Variants in MAP2 observed in about 807,000 individuals in gnomAD.
MAP2 encodes microtubule associated protein 2.
Under a neutral mutation model 137.6 loss-of-function variants are expected in MAP2, and 14 were observed. The ratio of observed to expected loss-of-function variants is 0.10; its 90% CI spans 0.07 to 0.16. The LOEUF (loss-of-function observed/expected upper bound fraction) is 0.16, where lower values mean the gene tolerates loss of function less well. MAP2 is among the 10% of genes least tolerant of loss of function. The pLI, the probability that MAP2 is intolerant of heterozygous loss-of-function variation, is 1.00. For synonymous variants in MAP2, 786 were observed against 782.3 expected, an observed-to-expected ratio of 1.00 and a Z score of -0.08; for missense variants, 2,088 against 2,191.5, an observed-to-expected ratio of 0.95 and a Z score of 0.94.
intron 2 of MAP2, among the ~76,000 whole-genome samples, chr2:209,542,729 A>G (rs1308631298): frequency 6.6e-6 from 1 of 152,214 alleles, no homozygotes; most frequent in African/African-American, 2.4e-5. Context: ...AACCTCTGCT[A>G]GCTTCCAGCC....
At chr2:209,639,624 A>C (rs2710476) in intron 4 of MAP2, among the ~76,000 whole-genome samples, 10,145 of 152,110 alleles carry the variant, frequency 0.067, 807 homozygotes, top group South Asian at 0.23. Context: ...ATGGGCATCC[A>C]TGGCCTTCAG....
chr2:209,491,091 A>G lies in MAP2; in HGVS notation c.-221-16501A>G, dbSNP rs549233785. Among the ~76,000 whole-genome samples, 32 of 152,292 alleles carry G rather than the reference A, an allele frequency of 2.1e-4. No homozygotes were observed. The South Asian group carries it at 4.1e-3, about 20-fold the overall frequency. On this transcript the variant is annotated intron_variant, in intron 1 of 15. Coordinates refer to ENST00000682079, the MANE Select transcript of MAP2 (RefSeq NM_001375505.1). The stretch of plus-strand genomic sequence containing the variant: ...CAAATGCAAAAGAACACAAATCATA[A>G]CAGTCTCTCAGACCACAGTGCAATC...
chr2:209,448,763 G>A (rs994042779), intron 1 of MAP2, among the ~76,000 whole-genome samples: 1 of 152,034 alleles, frequency 6.6e-6, no homozygotes, highest in Admixed American at 6.6e-5. Context: ...CTTGTCACTG[G>A]GTTTCAGGCC....
chr2:209,579,814 A>T (rs1422986822), intron 2 of MAP2: 2 of 152,032 alleles, frequency 1.3e-5, no homozygotes, highest in African/African-American at 4.8e-5. Context: ...TTTTCATAGG[A>T]TGTGCTTTAT....
intron 1 of MAP2, among the ~76,000 whole-genome samples, chr2:209,459,243 T>A (rs1370502532): frequency 6.6e-6 from 1 of 152,162 alleles, no homozygotes; most frequent in African/African-American, 2.4e-5. Context: ...TGTTTTCTCA[T>A]CTGTAAAATG....
rs148927031 is a variant in MAP2 at position 209,497,547 on chromosome 2, A to G, written c.-221-10045A>G. ...AAAGAAATACATAGGACTGGAATTT[A>G]CAAAGAAAAGAGGTTTAATTGGCTC... is the stretch of plus-strand genomic sequence containing the variant. On this transcript the variant is annotated intron_variant, in intron 1 of 15. Coordinates refer to ENST00000682079, the MANE Select transcript of MAP2 (RefSeq NM_001375505.1). Among the ~76,000 whole-genome samples, 290 of 152,356 alleles carry G rather than the reference A, an allele frequency of 1.9e-3. 1 individual carries two copies. The highest frequency in any genetic ancestry group is 6.8e-3 in the African/African-American group (283 of 41,584).
intron 12 of MAP2, among the ~76,000 whole-genome samples, chr2:209,708,894 T>A (rs1214615781): frequency 1.3e-5 from 2 of 152,200 alleles, no homozygotes; most frequent in Non-Finnish European, 2.9e-5. Context: ...GAGCTGCCCC[T>A]AACAACTGTA....
At chr2:209,484,235 A>G (rs1175161409) in intron 1 of MAP2, among the ~76,000 whole-genome samples, 1 of 152,248 alleles carries the variant, frequency 6.6e-6, no homozygotes, top group Non-Finnish European at 1.5e-5. Context: ...AGAAAGGCAC[A>G]GACTGACTTT....
At chr2:209,465,588 C>CT (rs1703934697) in intron 1 of MAP2, among the ~76,000 whole-genome samples, 1 of 152,050 alleles carries the variant, frequency 6.6e-6, no homozygotes, top group Admixed American at 6.6e-5. Flanking sequence ...TTTTAAAATT[C>CT]TTTCCATTCA....
intron 4 of MAP2, among the ~76,000 whole-genome samples, chr2:209,645,826 T>G (rs2094386794): frequency 1.3e-5 from 2 of 152,174 alleles, no homozygotes; most frequent in Non-Finnish European, 2.9e-5. Context: ...CATTAAGCAT[T>G]AAAATTCTTG....
At chr2:209,673,294 C>T (rs548173258) in intron 5 of MAP2, among the ~76,000 whole-genome samples, 5 of 151,874 alleles carry the variant, frequency 3.3e-5, no homozygotes, top group African/African-American at 2.4e-5. Context: ...ATAGCCATGA[C>T]GTGACTTTAC....
chr2:209,594,963 T>G (rs1231473174), intron 3 of MAP2, among the ~76,000 whole-genome samples: 1 of 152,144 alleles, frequency 6.6e-6, no homozygotes, highest in African/African-American at 2.4e-5. Flanking sequence ...GATTAACTAG[T>G]TACAGGATAA....
At chr2:209,503,034 T>C (rs930058860) in intron 1 of MAP2, among the ~76,000 whole-genome samples, 6 of 150,858 alleles carry the variant, frequency 4.0e-5, no homozygotes, top group Non-Finnish European at 8.9e-5. Flanking sequence ...AGGGTCTCAT[T>C]CTGTTGCCCA....
intron 2 of MAP2, among the ~76,000 whole-genome samples, chr2:209,538,010 C>T (rs1440717624): frequency 1.3e-5 from 2 of 152,044 alleles, no homozygotes; most frequent in East Asian, 1.9e-4. Flanking sequence ...AGTAACTTGC[C>T]CAGAGTCACA....
intron 3 of MAP2, among the ~76,000 whole-genome samples, chr2:209,611,848 T>C (rs1197571058): frequency 6.6e-6 from 1 of 151,912 alleles, no homozygotes; most frequent in Non-Finnish European, 1.5e-5. Context: ...AGTGTGAAAA[T>C]GAGAAAAATT....
At chr2:209,668,020 C>A (rs2047105715) in intron 5 of MAP2, among the ~76,000 whole-genome samples, 1 of 152,026 alleles carries the variant, frequency 6.6e-6, no homozygotes, top group African/African-American at 2.4e-5. Flanking sequence ...CCTGTTCTTA[C>A]ATTTTTCTCA....
At chr2:209,626,674 T>C (rs889057410) in intron 4 of MAP2, among the ~76,000 whole-genome samples, 1 of 152,162 alleles carries the variant, frequency 6.6e-6, no homozygotes, top group Non-Finnish European at 1.5e-5. Context: ...ATTTTAAAAG[T>C]TTACATGAAG....
intron 3 of MAP2, among the ~76,000 whole-genome samples, chr2:209,622,150 T>G (rs530894376): frequency 6.6e-6 from 1 of 152,316 alleles, no homozygotes; most frequent in Admixed American, 6.5e-5. Context: ...CTGGTAGAAA[T>G]AATGGAATGA....
In MAP2 at chr2:209,497,375, G is replaced by A. The variant is rs568326006; in HGVS notation, c.-221-10217G>A. On this transcript the variant is annotated intron_variant, in intron 1 of 15. Transcript: ENST00000682079. ...TGGCTGTCTACAAGCCAGGAATATA[G>A]CCCTCGCCAGAACCTGACCATGTTG... is the stretch of plus-strand genomic sequence containing the variant. 6.6e-5 allele frequency among the ~76,000 whole-genome samples: 10 copies of A among 152,228 alleles called. No homozygotes were observed. The East Asian group carries it at 1.5e-3, about 24-fold the overall frequency.
Sources: allele counts gnomAD v4.1 joint callset (sites outside exome capture counted in the v4.1 genomes callset), GRCh38; gene constraint gnomAD v4.1.1; transcripts MANE v1.5; gene names NCBI Gene and HGNC (gene_info 2026-07-23, HGNC 2026-07-21).